SUSD4: variants seen among roughly 807,000 people sequenced by gnomAD.
The protein encoded by SUSD4 is sushi domain-containing protein 4.
SUSD4 carries 41 observed loss-of-function variants against 50.5 expected under a neutral mutation model. That is an observed-to-expected ratio of 0.81 (90% CI 0.63 to 1.05). The LOEUF is 1.05. SUSD4 is among the 50% of genes least tolerant of loss of function. SUSD4 has a pLI of 0.00. For missense variants in SUSD4, 580 were observed against 634.7 expected (o/e 0.91, Z 0.93); for synonymous variants, 257 against 257.3 (o/e 1.00, Z 0.01).
chr1:223,357,265 A>T (rs900713282), intron 2 of SUSD4, among the ~76,000 whole-genome samples: 59 of 152,246 alleles, frequency 3.9e-4, no homozygotes, highest in Non-Finnish European at 1.2e-4. Flanking sequence ...ATTTGTTTAT[A>T]TGTTTTCTGC....
At chr1:223,247,505 C>A (rs1461864006) in intron 5 of SUSD4, among the ~76,000 whole-genome samples, 3 of 152,200 alleles carry the variant, frequency 2.0e-5, no homozygotes, top group Admixed American at 6.5e-5. Context: ...GAGCCATCAT[C>A]CCTTTTTGGT....
chr1:223,283,343 G>C lies in SUSD4; in HGVS notation c.361+9096C>G, dbSNP rs150370496. 6.5e-3 allele frequency among the ~76,000 whole-genome samples: 988 copies of C among 152,196 alleles called. 13 individuals are homozygous for C. The highest frequency in any genetic ancestry group is 0.022 in the African/African-American group (928 of 41,492). On this transcript the variant is annotated intron_variant, in intron 3 of 8. Coordinates refer to ENST00000366878, the MANE Select transcript of SUSD4 (RefSeq NM_017982.4). ...TTGCAATCTACTCATCTGACAAAGG[G>C]CTAATATCTAGAATCTACAAATAAA...
intron 2 of SUSD4, among the ~76,000 whole-genome samples, chr1:223,330,698 G>A (rs145877627): frequency 6.6e-6 from 1 of 152,336 alleles, no homozygotes; most frequent in African/African-American, 2.4e-5. Context: ...CCAGGCAACA[G>A]GAGCCACAGA....
intron 5 of SUSD4, among the ~76,000 whole-genome samples, chr1:223,252,647 T>C (rs546624791): frequency 7.1e-4 from 108 of 152,232 alleles, no homozygotes; most frequent in Non-Finnish European, 1.1e-3. Context: ...CAGACTGATG[T>C]AGGCACAGGT....
chr1:223,363,220 G>T (rs894300757), intron 2 of SUSD4, 58 bp downstream of exon 2: 54 of 1,440,204 alleles, frequency 3.7e-5, no homozygotes, highest in Non-Finnish European at 4.6e-6. Flanking sequence ...CTGGCAGCTA[G>T]GCTCTTTCTC....
intron 3 of SUSD4, among the ~76,000 whole-genome samples, chr1:223,289,858 T>C (rs1664373118): frequency 6.6e-6 from 1 of 152,192 alleles, no homozygotes. Flanking sequence ...TGTTGTGACA[T>C]AAACAAGGTT....
chr1:223,229,085 C>T lies in SUSD4; in HGVS notation c.916+112G>A, dbSNP rs1286543538. 7.4e-5 allele frequency: 84 copies of T among 1,135,268 alleles called. No homozygotes were observed. The highest frequency in any genetic ancestry group is 1.0e-4 in the Non-Finnish European group (83 of 799,166). The allele number at this position is 1,135,268 out of a possible 1,614,324, so 70.3% of individuals were successfully genotyped here. On this transcript the variant is annotated intron_variant, in intron 6 of 8. Coordinates refer to ENST00000366878, the MANE Select transcript of SUSD4 (RefSeq NM_017982.4). The surrounding 1 kb of genome is among the most constrained non-coding windows in gnomAD (Gnocchi z 4.7). The stretch of plus-strand genomic sequence containing the variant: ...AATGATATGTTTCGATATCCTGTTC[C>T]TGACACTGGGTGGGGGAGGAGAGAT...
chr1:223,234,301 C>T (rs146324284), intron 5 of SUSD4, among the ~76,000 whole-genome samples: 1 of 152,318 alleles, frequency 6.6e-6, no homozygotes, highest in East Asian at 1.9e-4. Context: ...CCTCACCCTC[C>T]CTCTGGCTAT....
intron 4 of SUSD4, 136 bp downstream of exon 4, chr1:223,268,366 G>T: frequency 8.7e-7 from 1 of 1,149,600 alleles, no homozygotes; most frequent in Non-Finnish European, 1.2e-6. Flanking sequence ...AGATGCAACT[G>T]GATCCATGTG....
intron 2 of SUSD4, among the ~76,000 whole-genome samples, chr1:223,351,783 T>A (rs1409833745): frequency 6.6e-6 from 1 of 151,970 alleles, no homozygotes; most frequent in African/African-American, 2.4e-5. Context: ...CTCTTCAACC[T>A]TATGAAAGTG....
At chr1:223,304,536 A>G (rs998404653) in intron 2 of SUSD4, among the ~76,000 whole-genome samples, 16 of 151,746 alleles carry the variant, frequency 1.1e-4, no homozygotes, top group African/African-American at 3.9e-4. Context: ...GTGTGGTTTT[A>G]CTAGTTTTAT....
chr1:223,363,595 C>CGCGG, intron 1 of SUSD4, 135 bp from the exon 2 acceptor site: 1 of 1,072,228 alleles, frequency 9.3e-7, no homozygotes, highest in Non-Finnish European at 1.3e-6. Flanking sequence ...GCGGCCCCCG[C>CGCGG]CCCCTTTCCC....
intron 5 of SUSD4, among the ~76,000 whole-genome samples, chr1:223,245,040 C>T (rs1379493115): frequency 6.6e-6 from 1 of 151,970 alleles, no homozygotes; most frequent in Non-Finnish European, 1.5e-5. Context: ...ACTGGTGCAC[C>T]CTACTGGTGC....
At chr1:223,337,821 T>A (rs1667542394) in intron 2 of SUSD4, among the ~76,000 whole-genome samples, 4 of 152,224 alleles carry the variant, frequency 2.6e-5, no homozygotes, top group Middle Eastern at 6.8e-3. Flanking sequence ...AAGGGAGGCT[T>A]AGAGGGAGAA....
chr1:223,263,095 T>C (rs1662234790), intron 5 of SUSD4, among the ~76,000 whole-genome samples: 1 of 152,216 alleles, frequency 6.6e-6, no homozygotes, highest in African/African-American at 2.4e-5. Flanking sequence ...TTGAAAAGAT[T>C]TGAAAACAGG....
chr1:223,364,788 C>T (rs897009954), upstream of SUSD4, among the ~76,000 whole-genome samples: 7 of 152,034 alleles, frequency 4.6e-5, no homozygotes, highest in Admixed American at 3.9e-4. This position sits in a 1 kb window ranked among gnomAD's most constrained non-coding sequence, Gnocchi z 4.5. Flanking sequence ...GCCACAGACC[C>T]GGTTAACTTG....
At chr1:223,337,414 T>C (rs1667519735) in intron 2 of SUSD4, among the ~76,000 whole-genome samples, 1 of 152,178 alleles carries the variant, frequency 6.6e-6, no homozygotes, top group Non-Finnish European at 1.5e-5. Flanking sequence ...CCACAGACTG[T>C]GTTGAGTGGA....
chr1:223,223,751 T>C, intron 7 of SUSD4, 120 bp from the exon 8 acceptor site: 1 of 1,236,810 alleles, frequency 8.1e-7, no homozygotes, highest in South Asian at 1.6e-5. Context: ...GAGTCCCGTA[T>C]GGAGGATAAT....
At chr1:223,270,859 C>G (rs1017372758) in intron 3 of SUSD4, among the ~76,000 whole-genome samples, 1 of 152,128 alleles carries the variant, frequency 6.6e-6, no homozygotes, top group African/African-American at 2.4e-5. Flanking sequence ...CCACGCCCAG[C>G]CTGAAAAGGG....
Sources: gnomAD v4.1 joint callset for allele counts (sites outside exome capture counted in the v4.1 genomes callset) on GRCh38, gnomAD v4.1.1 for gene constraint, Gnocchi (gnomAD v3.1) non-coding constraint, MANE v1.5 for transcripts, NCBI Gene and HGNC (gene_info 2026-07-23, HGNC 2026-07-21) for gene names.